SBNO1: variants seen among roughly 807,000 people sequenced by gnomAD.
SBNO1 encodes the protein strawberry notch homolog 1.
In SBNO1, 23 loss-of-function variants were observed where a neutral mutation model predicts 173.6. The observed-to-expected ratio is 0.13, with a 90% confidence interval of 0.10 to 0.19. The LOEUF (loss-of-function observed/expected upper bound fraction) is 0.19, where lower values mean the gene tolerates loss of function less well. Among genes scored for constraint, SBNO1 ranks in the 10% least tolerant of loss-of-function variants. The probability of loss-of-function intolerance (pLI) is 1.00; values close to 1 mark genes in which losing one functional copy is unlikely to be tolerated. For synonymous variants in SBNO1, 632 were observed against 571.5 expected (o/e 1.11, Z -1.51); for missense variants, 1,238 against 1,671.2 (o/e 0.74, Z 4.52).
chr12:123,297,189 ATC>A (rs2138862578), intron 31 of SBNO1, among the ~76,000 whole-genome samples: 1 of 151,176 alleles, frequency 6.6e-6, no homozygotes, highest in African/African-American at 2.4e-5. Flanking sequence ...GTGAAAACCC[ATC>A]TCCACTAAAA....
intron 1 of SBNO1, chr12:123,363,917 G>A (rs372173703): frequency 1.0e-6 from 1 of 985,314 alleles, no homozygotes; most frequent in African/African-American, 1.7e-5. Flanking sequence ...TCTCCTCAGC[G>A]GTTAAACCGA....
At chr12:123,360,387 G>A (rs1307244620) in intron 1 of SBNO1, among the ~76,000 whole-genome samples, 2 of 152,128 alleles carry the variant, frequency 1.3e-5, no homozygotes, top group African/African-American at 2.4e-5. Flanking sequence ...GTCACAAATC[G>A]AAGCTCAATT....
Position 123,297,400 on chromosome 12 carries a change from C to CAAAAAAAAAAA in SBNO1, c.4039+567_4039+577dup, listed in dbSNP as rs59447456. On this transcript the variant is annotated intron_variant, in intron 31 of 31. Coordinates refer to ENST00000602398, the MANE Select transcript of SBNO1 (RefSeq NM_001167856.3). Reference sequence around the variant, plus strand: ...TACAACATCCCAAAATACTGGTGTCCAAAAAAAAAAAAAAAAAAAAAATTC... The same window carrying CAAAAAAAAAAA: ...TACAACATCCCAAAATACTGGTGTCCAAAAAAAAAAAAAAAAAAAAAAAAAAAAAAAAATTC... 2.8e-3 allele frequency among the ~76,000 whole-genome samples: 88 copies of CAAAAAAAAAAA among 31,504 alleles called. 8 individuals are homozygous for CAAAAAAAAAAA. Among genetic ancestry groups the CAAAAAAAAAAA allele is most frequent in the African/African-American group, 5.4e-3 (51 of 9,488 alleles). The allele number at this position is 31,504 out of a possible 152,430, so 20.7% of individuals were successfully genotyped here. A position where few individuals can be genotyped will look rare whatever the true frequency, so the allele number is the denominator to read the frequency against.
chr12:123,308,410 C>T lies in SBNO1; in HGVS notation c.3630+900G>A, dbSNP rs1162744264. 2.6e-5 allele frequency among the ~76,000 whole-genome samples: 4 copies of T among 152,258 alleles called. No homozygotes were observed. The East Asian group carries it at 7.7e-4, about 29-fold the overall frequency. ...TGTTGGCCAGGTGCAGTGGCTCAAG[C>T]CTGTAATCCCAGCACTTTGGGAGGC... On this transcript the variant is annotated intron_variant, in intron 28 of 31. Coordinates refer to ENST00000602398, the MANE Select transcript of SBNO1 (RefSeq NM_001167856.3).
chr12:123,355,529 G>A (rs1029625272), intron 1 of SBNO1, among the ~76,000 whole-genome samples: 3 of 151,642 alleles, frequency 2.0e-5, no homozygotes, highest in Non-Finnish European at 2.9e-5. Context: ...GCGTGAACCC[G>A]GGAGGCGGAG....
chr12:123,335,442 C>T (rs1205786766), intron 6 of SBNO1, among the ~76,000 whole-genome samples: 1 of 152,084 alleles, frequency 6.6e-6, no homozygotes, highest in Non-Finnish European at 1.5e-5. Context: ...AGAGCCAGAC[C>T]CCGTCTTAAA....
In SBNO1 at chr12:123,319,905, C is replaced by T. The variant is rs1018955674; in HGVS notation, c.2794G>A (p.Asp932Asn). 3 of 1,613,648 alleles carry T rather than the reference C, an allele frequency of 1.9e-6. No individual in the cohort carries two copies. The highest frequency in any genetic ancestry group is 2.5e-6 in the Non-Finnish European group (3 of 1,179,746). Residue 932 changes from aspartate (D) to asparagine (N), a missense_variant, in exon 20 of 32, where the codon GAT becomes AAT. Coordinates refer to ENST00000602398, the MANE Select transcript of SBNO1 (RefSeq NM_001167856.3). ...AGCATCTCAGTAAAACATACCTTAT[C>T]TCCATCCATAAATCGTTGTTTTTCT... is the stretch of plus-strand genomic sequence containing the variant. Reference protein sequence around the residue: ...ITEKQRFMDGDKNIAIISEAA... With the variant: ...ITEKQRFMDGNKNIAIISEAA...
intron 4 of SBNO1, 100 bp downstream of exon 4, chr12:123,345,158 T>C: frequency 9.8e-7 from 1 of 1,019,558 alleles, no homozygotes; most frequent in Non-Finnish European, 1.5e-6. Flanking sequence ...TAACACCCTT[T>C]TATGGCCAGT....
intron 1 of SBNO1, among the ~76,000 whole-genome samples, chr12:123,358,699 C>T (rs1411964396): frequency 8.0e-6 from 1 of 125,188 alleles, no homozygotes; most frequent in Non-Finnish European, 1.6e-5. Context: ...GCCAAGATCG[C>T]GCCACTGCAC....
chr12:123,315,587 T>C lies in SBNO1; in HGVS notation c.3009A>G (p.Gln1003=), dbSNP rs942084932. 1.2e-6 allele frequency: 2 copies of C among 1,613,826 alleles called. No individual in the cohort carries two copies. Among genetic ancestry groups the C allele is most frequent in the Non-Finnish European group, 1.7e-6 (2 of 1,179,866 alleles). ...VFLISELAGE[Q]RFASIVAKRL... is the part of the protein sequence containing the mutation. ...TTTTAGCAACAATAGATGCAAATCT[T>C]TGTTCTCCTGCCAGTTCAGATATCA... The change falls in exon 22 of 32, where the codon CAA becomes CAG. Residue 1003 remains glutamine, a synonymous_variant. Transcript: ENST00000602398.
At chr12:123,304,806 C>T in intron 28 of SBNO1, 87 bp from the exon 29 acceptor site, 1 of 911,820 alleles carries the variant, frequency 1.1e-6, no homozygotes. Flanking sequence ...CAAACATAAT[C>T]ATTTGAGACT....
intron 7 of SBNO1, among the ~76,000 whole-genome samples, chr12:123,333,418 T>C (rs1320119620): frequency 6.6e-6 from 1 of 152,050 alleles, no homozygotes; most frequent in Non-Finnish European, 1.5e-5. Flanking sequence ...GTACAACAAA[T>C]ATCATTCTGC....
chr12:123,306,194 T>C (rs2048909412), intron 28 of SBNO1, among the ~76,000 whole-genome samples: 2 of 152,302 alleles, frequency 1.3e-5, no homozygotes, highest in South Asian at 2.1e-4. Context: ...TGACAGGAAA[T>C]ATCCAAACCT....
In SBNO1 at chr12:123,289,638, GCAGAGATA is replaced by G. The variant is rs1032086919; in HGVS notation, c.*6262_*6269del. 1 of 152,216 alleles carries G rather than the reference GCAGAGATA, an allele frequency of 6.6e-6. No individual in the cohort carries two copies. The highest frequency in any genetic ancestry group is 6.5e-5 in the Admixed American group (1 of 15,286). 9.4% of individuals were successfully genotyped at this position (152,216 alleles called of 1,614,324 possible). A position where few individuals can be genotyped will look rare whatever the true frequency, so the allele number is the denominator to read the frequency against. ...GGTAGAACCTGGCCAAAGTTTTATT[GCAGAGATA>G]CAGTGTACCTCTTCCCACCTCTCAT... On this transcript the variant is annotated 3_prime_UTR_variant, in exon 32 of 32. Coordinates refer to ENST00000602398, the MANE Select transcript of SBNO1 (RefSeq NM_001167856.3).
chr12:123,362,435 CAAAAAAAAAAAAAAAA>C (rs56019572), intron 1 of SBNO1, among the ~76,000 whole-genome samples: 10 of 49,712 alleles, frequency 2.0e-4, no homozygotes, highest in Admixed American at 1.8e-3. Context: ...GACTCCGTCT[CAAAAAAAAAAAAAAAA>C]AAAAAAAAAA....
At chr12:123,312,835 C>G (rs1292359085) in intron 24 of SBNO1, among the ~76,000 whole-genome samples, 4 of 152,090 alleles carry the variant, frequency 2.6e-5, no homozygotes, top group Non-Finnish European at 1.5e-5. Context: ...ATCCAAACCT[C>G]CCACCCCAAC....
chr12:123,330,795 G>C (rs1277782665), intron 8 of SBNO1, among the ~76,000 whole-genome samples: 1 of 151,900 alleles, frequency 6.6e-6, no homozygotes, highest in Non-Finnish European at 1.5e-5. Context: ...AAGCATGGTA[G>C]TGCATGCCTG....
chr12:123,338,893 G>C (rs61953459), intron 5 of SBNO1, among the ~76,000 whole-genome samples: 5 of 3,802 alleles, frequency 1.3e-3, no homozygotes, highest in East Asian at 5.6e-3. Context: ...CACACACCCC[G>C]ACACACACAC....
intron 24 of SBNO1, among the ~76,000 whole-genome samples, chr12:123,312,399 A>G (rs1167352505): frequency 3.3e-5 from 5 of 152,186 alleles, no homozygotes; most frequent in Admixed American, 1.3e-4. Context: ...TAATCTACCA[A>G]AAGGACTTCC....
Sources: gnomAD v4.1 joint callset for allele counts (sites outside exome capture counted in the v4.1 genomes callset) on GRCh38, gnomAD v4.1.1 for gene constraint, MANE v1.5 for transcripts, NCBI Gene and HGNC (gene_info 2026-07-23, HGNC 2026-07-21) for gene names.